Variants in CALD1 observed in about 807,000 individuals in gnomAD.
The protein encoded by CALD1 is caldesmon 1.
A neutral mutation model predicts 99.9 loss-of-function variants in CALD1; 33 were observed. That is an observed-to-expected ratio of 0.33 (90% CI 0.25 to 0.44). CALD1 has a LOEUF of 0.44. Ranked by LOEUF, CALD1 falls within the 20% of genes least tolerant of loss-of-function variation. CALD1 has a pLI of 1.00. For missense variants in CALD1, 861 were observed against 962.1 expected, an observed-to-expected ratio of 0.89 and a Z score of 1.39; for synonymous variants, 310 against 325.0, an observed-to-expected ratio of 0.95 and a Z score of 0.50.
chr7:134,750,193 G>A (rs1796673421), intron 1 of CALD1, among the ~76,000 whole-genome samples: 2 of 152,090 alleles, frequency 1.3e-5, no homozygotes, highest in African/African-American at 4.8e-5. Flanking sequence ...TTGCTGGGGT[G>A]ACCTGAAGAC....
chr7:134,861,404 T>A (rs1053113727), intron 2 of CALD1, among the ~76,000 whole-genome samples: 21 of 152,182 alleles, frequency 1.4e-4, no homozygotes, highest in African/African-American at 5.1e-4. Flanking sequence ...AAGAGAAACA[T>A]CACTGAGTTG....
chr7:134,963,312 G>A (rs903110617), intron 13 of CALD1, among the ~76,000 whole-genome samples: 7 of 152,202 alleles, frequency 4.6e-5, no homozygotes, highest in African/African-American at 7.2e-5. Context: ...TTAAATAGGT[G>A]TAACTCTCTA....
At chr7:134,845,636 T>C (rs1350522821) in intron 2 of CALD1, among the ~76,000 whole-genome samples, 1 of 152,154 alleles carries the variant, frequency 6.6e-6, no homozygotes, top group Non-Finnish European at 1.5e-5. Flanking sequence ...ACAATGCATA[T>C]GCAGGTCTGA....
intron 3 of CALD1, among the ~76,000 whole-genome samples, chr7:134,874,882 C>CT (rs1801275489): frequency 6.6e-6 from 1 of 152,086 alleles, no homozygotes; most frequent in South Asian, 2.1e-4. Context: ...ATCACTGAGA[C>CT]TTTTTTACAT....
intron 10 of CALD1, 23 bp downstream of exon 10, chr7:134,958,135 T>C: frequency 6.2e-7 from 1 of 1,609,608 alleles, no homozygotes; most frequent in Non-Finnish European, 8.5e-7. Flanking sequence ...GATGGTTCAA[T>C]TGAGCTAATC....
At chr7:134,922,636 C>T (rs983885371) in intron 3 of CALD1, among the ~76,000 whole-genome samples, 4 of 152,210 alleles carry the variant, frequency 2.6e-5, no homozygotes, top group African/African-American at 7.2e-5. Context: ...AAAACTCGTT[C>T]CTTGCTCCAG....
chr7:134,880,043 G>A (rs1461371422), intron 3 of CALD1, among the ~76,000 whole-genome samples: 3 of 152,140 alleles, frequency 2.0e-5, no homozygotes, highest in African/African-American at 4.8e-5. Flanking sequence ...ATTTTCCATT[G>A]TGGGTGACAT....
At chr7:134,817,672 T>C (rs571747913) in intron 1 of CALD1, among the ~76,000 whole-genome samples, 2 of 152,256 alleles carry the variant, frequency 1.3e-5, no homozygotes, top group South Asian at 2.1e-4. Context: ...AACAAAGTCA[T>C]TGTTCTATTT....
intron 1 of CALD1, among the ~76,000 whole-genome samples, chr7:134,818,831 T>C (rs1798659353): frequency 6.6e-6 from 1 of 152,268 alleles, no homozygotes; most frequent in African/African-American, 2.4e-5. Context: ...AGTTGGTGTC[T>C]ATGACATACT....
intron 1 of CALD1, among the ~76,000 whole-genome samples, chr7:134,790,910 G>C (rs550074043): frequency 6.6e-6 from 1 of 152,284 alleles, no homozygotes; most frequent in Non-Finnish European, 1.5e-5. Flanking sequence ...GATCAGTTCA[G>C]GTATTCAAAA....
At chr7:134,897,117 A>T (rs887294919) in intron 3 of CALD1, among the ~76,000 whole-genome samples, 3 of 152,178 alleles carry the variant, frequency 2.0e-5, no homozygotes, top group Non-Finnish European at 4.4e-5. Flanking sequence ...AAAATCTGTA[A>T]ACCTCATTCA....
At chr7:134,800,756 CTT>C (rs982590085) in intron 1 of CALD1, among the ~76,000 whole-genome samples, 9 of 151,890 alleles carry the variant, frequency 5.9e-5, no homozygotes, top group Non-Finnish European at 1.2e-4. Context: ...ACAGGGCAAA[CTT>C]AATTTAAACA....
In CALD1 at chr7:134,768,189, T is replaced by C. The variant is rs545176408; in HGVS notation, c.-130+23826T>C. Among the ~76,000 whole-genome samples the C allele has an allele frequency of 1.2e-4, 19 of 152,272 alleles. 1 individual carries two copies. In the South Asian group the frequency reaches 3.1e-3, roughly 25 times the overall value. On this transcript the variant is annotated intron_variant, in intron 1 of 13. Coordinates refer to the CALD1 transcript ENST00000417172. ...TGGAAGTGAGAAACAGTACCATTTATCTCAGGAGCTCCTTCATCTACACTG... is the reference window on the plus strand; with the variant it reads ...TGGAAGTGAGAAACAGTACCATTTACCTCAGGAGCTCCTTCATCTACACTG...
chr7:134,822,322 G>A (rs1423827780), intron 1 of CALD1, among the ~76,000 whole-genome samples: 5 of 152,108 alleles, frequency 3.3e-5, no homozygotes, highest in African/African-American at 4.8e-5. Context: ...CCAGATGTGT[G>A]AGAAAATGTT....
the CALD1 span, among the ~76,000 whole-genome samples, chr7:134,726,450 TAA>T: frequency 1.5e-5 from 2 of 137,188 alleles, no homozygotes; most frequent in African/African-American, 5.3e-5. Flanking sequence ...TTTATATATA[TAA>T]TATATATTAT....
rs181145218 is a variant in CALD1 at position 134,842,023 on chromosome 7, T to G, written c.-129-1861T>G. ...CCATCCAACCTCCAGGGACCCTCAGTGGACCTCTTTACATCCTGCTGTTTT... is the reference window on the plus strand; with the variant it reads ...CCATCCAACCTCCAGGGACCCTCAGGGGACCTCTTTACATCCTGCTGTTTT... On this transcript the variant is annotated intron_variant, in intron 1 of 14. Transcript: ENST00000361675. Among the ~76,000 whole-genome samples the G allele has an allele frequency of 8.3e-4, 127 of 152,332 alleles. 1 individual carries two copies. The highest frequency in any genetic ancestry group is 2.9e-3 in the African/African-American group (120 of 41,578).
chr7:134,827,286 G>C (rs1021847700), intron 1 of CALD1, among the ~76,000 whole-genome samples: 1 of 152,154 alleles, frequency 6.6e-6, no homozygotes, highest in Non-Finnish European at 1.5e-5. Flanking sequence ...ACAATGTCAG[G>C]AGCCAATGGG....
At chr7:134,751,742 C>T (rs1044317458) in intron 1 of CALD1, among the ~76,000 whole-genome samples, 9 of 152,060 alleles carry the variant, frequency 5.9e-5, no homozygotes, top group Admixed American at 2.0e-4. Flanking sequence ...TTCAGGAGGC[C>T]GAGGCAGTGA....
chr7:134,953,156 A>T (rs1279941480), intron 9 of CALD1, among the ~76,000 whole-genome samples: 1 of 151,400 alleles, frequency 6.6e-6, no homozygotes, highest in Non-Finnish European at 1.5e-5. Flanking sequence ...TCTTCTTTTG[A>T]TTTTTTTTTA....
Sources: allele counts gnomAD v4.1 joint callset (sites outside exome capture counted in the v4.1 genomes callset), GRCh38; gene constraint gnomAD v4.1.1; transcripts MANE v1.5; gene names NCBI Gene and HGNC (gene_info 2026-07-23, HGNC 2026-07-21).